TPRA1: variants seen among roughly 807,000 people sequenced by gnomAD.
TPRA1 encodes the protein transmembrane protein adipocyte-associated 1.
In TPRA1, 28 loss-of-function variants were observed where a neutral mutation model predicts 40.1. The ratio of observed to expected loss-of-function variants is 0.70; its 90% CI spans 0.52 to 0.96. The LOEUF (loss-of-function observed/expected upper bound fraction) is 0.96, where lower values mean the gene tolerates loss of function less well. Ranked by LOEUF, TPRA1 falls within the 40% of genes least tolerant of loss-of-function variation. The probability of loss-of-function intolerance (pLI) is 0.00; values close to 1 mark genes in which losing one functional copy is unlikely to be tolerated. For synonymous variants in TPRA1, 219 were observed against 209.7 expected, an observed-to-expected ratio of 1.04 and a Z score of -0.38; for missense variants, 441 against 482.6, an observed-to-expected ratio of 0.91 and a Z score of 0.81.
chr3:127,589,970 G>T (rs940956907), intron 1 of TPRA1, among the ~76,000 whole-genome samples: 2 of 152,228 alleles, frequency 1.3e-5, no homozygotes, highest in Admixed American at 6.5e-5. Context: ...CGGAGGCTTC[G>T]ACATGGCCCC....
intron 3 of TPRA1, 48 bp from the exon 4 acceptor site, chr3:127,577,124 C>T (rs200114956): frequency 2.0e-5 from 32 of 1,597,432 alleles, no homozygotes; most frequent in Non-Finnish European, 2.7e-5. Flanking sequence ...AGAGCCTCTG[C>T]ATCGGCAGGG....
intron 1 of TPRA1, among the ~76,000 whole-genome samples, chr3:127,582,286 C>T (rs906369295): frequency 2.6e-5 from 4 of 152,146 alleles, no homozygotes; most frequent in Non-Finnish European, 5.9e-5. Context: ...GTAAGGACAG[C>T]AGGGTGTAGT....
chr3:127,573,135 A>C lies in TPRA1; in HGVS notation c.*386T>G. Reference sequence around the variant, plus strand: ...ATATACACACTTCAGTCCATCCACCATGGTGGATGCTTTGAGGAGGCCAAA... The same window carrying C: ...ATATACACACTTCAGTCCATCCACCCTGGTGGATGCTTTGAGGAGGCCAAA... On this transcript the variant is annotated 3_prime_UTR_variant, in exon 11 of 11. Coordinates refer to ENST00000355552, the MANE Select transcript of TPRA1 (RefSeq NM_001136053.4). The C allele has an allele frequency of 5.5e-6, 1 of 182,180 alleles. No homozygotes were observed. The highest frequency in any genetic ancestry group is 1.1e-5 in the Non-Finnish European group (1 of 87,468). The allele number at this position is 182,180 out of a possible 1,614,324, so 11.3% of individuals were successfully genotyped here. A position where few individuals can be genotyped will look rare whatever the true frequency, so the allele number is the denominator to read the frequency against.
At chr3:127,591,598 C>A (rs545041562), upstream of TPRA1, among the ~76,000 whole-genome samples, 1 of 152,366 alleles carries the variant, frequency 6.6e-6, no homozygotes, top group South Asian at 2.1e-4. Flanking sequence ...CACCTGTTCC[C>A]CCGCAGAGCT....
At chr3:127,583,138 T>C (rs1576384378) in intron 1 of TPRA1, among the ~76,000 whole-genome samples, 3 of 103,814 alleles carry the variant, frequency 2.9e-5, no homozygotes, top group Non-Finnish European at 1.9e-5. Context: ...ACAGCAAGAC[T>C]CCGTCTCAAA....
In TPRA1 at chr3:127,573,559, T is replaced by G. The variant is rs1258212023; in HGVS notation, c.1084A>C (p.Ser362Arg). The stretch of plus-strand genomic sequence containing the variant: ...GCCTTCCAGCGCTCGCTGTCTGTGC[T>G]GTTGATGCTGCCAGTGTGGCAGGGC... Reference protein sequence around the residue: ...SMPCHTGSINSTDSERWKAIN... With the variant: ...SMPCHTGSINRTDSERWKAIN... Residue 362 changes from serine to arginine, a missense_variant, in exon 11 of 11, where the codon AGC becomes CGC. Physicochemically the swap from Ser to Arg is moderately radical, Grantham distance 110. Coordinates refer to ENST00000355552, the MANE Select transcript of TPRA1 (RefSeq NM_001136053.4). 1.9e-6 allele frequency: 3 copies of G among 1,613,156 alleles called. No homozygotes were observed. In the Admixed American group the frequency reaches 5.0e-5, roughly 27 times the overall value.
At position 127,579,601 on chromosome 3, in the gene TPRA1, C is replaced by A. The variant is rs1291666131; in HGVS notation, c.258+139G>T. 7 of 1,022,616 alleles carry A rather than the reference C, an allele frequency of 6.8e-6. No homozygotes were observed. The East Asian group carries it at 1.6e-4, about 23-fold the overall frequency. The allele number at this position is 1,022,616 out of a possible 1,614,324, so 63.3% of individuals were successfully genotyped here. A position where few individuals can be genotyped will look rare whatever the true frequency, so the allele number is the denominator to read the frequency against. On this transcript the variant is annotated intron_variant, in intron 3 of 10. Transcript: ENST00000355552. ...ATAAGTCCCAAAGAGATCAGAGATG[C>A]AGAAACAGATCCTAACGATATCATT... is the stretch of plus-strand genomic sequence containing the variant.
chr3:127,577,297 T>C (rs2073675038), intron 3 of TPRA1, among the ~76,000 whole-genome samples: 1 of 152,064 alleles, frequency 6.6e-6, no homozygotes, highest in Non-Finnish European at 1.5e-5. Context: ...AGCCTGGCCC[T>C]CCCTCTCGGG....
chr3:127,575,967 C>A lies in TPRA1; in HGVS notation c.582G>T (p.Trp194Cys). The change falls in exon 7 of 11, where the codon TGG becomes TGT. Residue 194 changes from tryptophan to cysteine, a missense_variant. Trp to Cys is a radical substitution (Grantham distance 215). Coordinates refer to ENST00000355552, the MANE Select transcript of TPRA1 (RefSeq NM_001136053.4). The stretch of plus-strand genomic sequence containing the variant: ...GGAAGAAGAAGCAGGAGCTGACCAG[C>A]CAGAACTGGCGGCCCCCATGGCCAT... ...NIYGHGGRQFWLVSSCFFFLV... is the reference protein window; with the variant it reads ...NIYGHGGRQFCLVSSCFFFLV... The A allele has an allele frequency of 6.2e-7, 1 of 1,614,008 alleles. No homozygotes were observed. The highest frequency in any genetic ancestry group is 8.5e-7 in the Non-Finnish European group (1 of 1,180,022).
At chr3:127,594,961 T>C (rs1226301527), upstream of TPRA1, 1 of 152,324 alleles carries the variant, frequency 6.6e-6, no homozygotes, top group African/African-American at 2.4e-5. Context: ...CAAGGTGATG[T>C]GTCCTGGAGC....
chr3:127,581,325 T>C (rs1157014714), intron 1 of TPRA1, among the ~76,000 whole-genome samples: 1 of 152,156 alleles, frequency 6.6e-6, no homozygotes, highest in Non-Finnish European at 1.5e-5. Context: ...TTCCTACGGT[T>C]GACACTTGCA....
At position 127,589,905 on chromosome 3, in the gene TPRA1, T is replaced by C. The variant is rs370614922; in HGVS notation, c.-18+505A>G. 7.2e-5 allele frequency among the ~76,000 whole-genome samples: 11 copies of C among 152,084 alleles called. 1 individual carries two copies. The East Asian group carries it at 1.2e-3, about 16-fold the overall frequency. On this transcript the variant is annotated intron_variant, in intron 1 of 10. Coordinates refer to ENST00000355552, the MANE Select transcript of TPRA1 (RefSeq NM_001136053.4). ...GGACGACCCTGCGGCCCCTCCTCAC[T>C]GCAGAGAAGAGGGCAAAGCCAGCCC... is the stretch of plus-strand genomic sequence containing the variant.
At chr3:127,593,666 G>C (rs2074213602), upstream of TPRA1, among the ~76,000 whole-genome samples, 1 of 152,048 alleles carries the variant, frequency 6.6e-6, no homozygotes, top group Admixed American at 6.6e-5. Context: ...ACGTGTGGAG[G>C]GTATCCCCCA....
intron 1 of TPRA1, among the ~76,000 whole-genome samples, chr3:127,585,071 C>A (rs1341325664): frequency 6.6e-6 from 1 of 152,150 alleles, no homozygotes; most frequent in East Asian, 1.9e-4. Flanking sequence ...AGGCTGCCTG[C>A]ATAGATAAAA....
At chr3:127,585,134 A>G (rs1187173573) in intron 1 of TPRA1, among the ~76,000 whole-genome samples, 2 of 152,194 alleles carry the variant, frequency 1.3e-5, no homozygotes, top group Non-Finnish European at 2.9e-5. Context: ...CCAAATCCCA[A>G]TGAATATAAA....
upstream of TPRA1, among the ~76,000 whole-genome samples, chr3:127,591,688 G>A (rs147036508): frequency 3.9e-5 from 6 of 152,128 alleles, no homozygotes; most frequent in South Asian, 2.1e-4. Flanking sequence ...ATTTCCTTCC[G>A]AGCATCTTAA....
chr3:127,581,426 G>T (rs1051974805), intron 1 of TPRA1, among the ~76,000 whole-genome samples: 1 of 152,196 alleles, frequency 6.6e-6, no homozygotes, highest in Non-Finnish European at 1.5e-5. Context: ...GCCGACAGGC[G>T]TATGATCCGT....
At chr3:127,588,354 G>C (rs1461420655) in intron 1 of TPRA1, among the ~76,000 whole-genome samples, 1 of 152,214 alleles carries the variant, frequency 6.6e-6, no homozygotes, top group Non-Finnish European at 1.5e-5. Context: ...TGGGGTTATG[G>C]GGCTGCTGGC....
intron 1 of TPRA1, among the ~76,000 whole-genome samples, chr3:127,585,715 C>G (rs933019269): frequency 7.2e-5 from 11 of 152,228 alleles, no homozygotes; most frequent in African/African-American, 2.4e-4. Flanking sequence ...GAGGCCAACA[C>G]TGACCACCAG....
Sources: gnomAD v4.1 joint callset for allele counts (sites outside exome capture counted in the v4.1 genomes callset) on GRCh38, gnomAD v4.1.1 for gene constraint, MANE v1.5 for transcripts, NCBI Gene and HGNC (gene_info 2026-07-23, HGNC 2026-07-21) for gene names.